Variants in RNF130 observed in about 807,000 individuals in gnomAD.
RNF130 encodes the protein E3 ubiquitin-protein ligase RNF130.
RNF130 carries 21 observed loss-of-function variants against 44.6 expected under a neutral mutation model. The observed-to-expected ratio is 0.47, with a 90% CI of 0.33 to 0.68. The LOEUF is 0.68. Among genes scored for constraint, RNF130 ranks in the 30% least tolerant of loss-of-function variants. The probability of loss-of-function intolerance (pLI) is 0.02; values close to 1 mark genes in which losing one functional copy is unlikely to be tolerated. For missense variants in RNF130, 479 were observed against 560.6 expected (o/e 0.85, Z 1.47); for synonymous variants, 214 against 210.4 (o/e 1.02, Z -0.15).
At chr5:180,002,119 G>A (rs534205894) in intron 3 of RNF130, among the ~76,000 whole-genome samples, 56 of 152,364 alleles carry the variant, frequency 3.7e-4, no homozygotes, top group Non-Finnish European at 6.9e-4. Context: ...ACTGGGATGT[G>A]TGATCACTCT....
At position 179,946,707 on chromosome 5, in the gene RNF130, CCACG is replaced by C. The variant is rs545662505; in HGVS notation, c.1150+20095_1150+20098del. Among the ~76,000 whole-genome samples, 622 of 152,208 alleles carry C rather than the reference CCACG, an allele frequency of 4.1e-3. 4 individuals are homozygous for C. Among genetic ancestry groups the C allele is most frequent in the African/African-American group, 0.014 (591 of 41,514 alleles). ...TAGCTGGGACTACAGGCGCCCGCCA[CCACG>C]CCCGGCTAATTTTTTTGTATTTTTA... On this transcript the variant is annotated intron_variant, in intron 7 of 7. Transcript: ENST00000522208.
chr5:180,025,632 AT>A (rs931254251), intron 2 of RNF130, among the ~76,000 whole-genome samples: 1 of 152,218 alleles, frequency 6.6e-6, no homozygotes, highest in Non-Finnish European at 1.5e-5. Flanking sequence ...ATAATTATGA[AT>A]TTTTTTTAAA....
intron 7 of RNF130, among the ~76,000 whole-genome samples, chr5:179,943,633 G>A (rs1296478199): frequency 6.6e-6 from 1 of 152,174 alleles, no homozygotes; most frequent in Non-Finnish European, 1.5e-5. Flanking sequence ...ACACAGAAAA[G>A]GTGAGGCTCA....
intron 3 of RNF130, among the ~76,000 whole-genome samples, chr5:179,990,893 A>T (rs1763067410): frequency 2.6e-5 from 4 of 152,206 alleles, no homozygotes; most frequent in African/African-American, 9.7e-5. Flanking sequence ...CAAACTAATG[A>T]TTAATGATAT....
chr5:179,996,940 T>G (rs1763212727), intron 3 of RNF130, among the ~76,000 whole-genome samples: 1 of 152,190 alleles, frequency 6.6e-6, no homozygotes, highest in Admixed American at 6.5e-5. Flanking sequence ...AGGAATCAAG[T>G]GCTGGACTTT....
rs185407477 is a variant in RNF130 at position 179,946,709 on chromosome 5, A to G, written c.1150+20097T>C. Among the ~76,000 whole-genome samples, 39 of 150,686 alleles carry G rather than the reference A, an allele frequency of 2.6e-4. No homozygotes were observed. In the East Asian group the frequency reaches 5.8e-3, roughly 22 times the overall value. Reference sequence around the variant, plus strand: ...GCTGGGACTACAGGCGCCCGCCACCACGCCCGGCTAATTTTTTTGTATTTT... The same window carrying G: ...GCTGGGACTACAGGCGCCCGCCACCGCGCCCGGCTAATTTTTTTGTATTTT... On this transcript the variant is annotated intron_variant, in intron 7 of 7. Transcript: ENST00000522208.
chr5:179,979,162 C>T (rs1762776718), intron 4 of RNF130, among the ~76,000 whole-genome samples: 1 of 151,430 alleles, frequency 6.6e-6, no homozygotes, highest in Non-Finnish European at 1.5e-5. Flanking sequence ...GGCTACCAGG[C>T]CAAGAAGGCA....
intron 1 of RNF130, among the ~76,000 whole-genome samples, chr5:180,048,695 G>T (rs937144074): frequency 6.6e-5 from 10 of 152,164 alleles, no homozygotes; most frequent in Non-Finnish European, 1.5e-4. Flanking sequence ...TTGCGGTGAA[G>T]AATTCAGCAC....
Position 179,966,797 on chromosome 5 carries a change from C to G in RNF130, c.1150+9G>C, listed in dbSNP as rs201366649. The G allele has an allele frequency of 2.7e-5, 44 of 1,611,432 alleles. No homozygotes were observed. The East Asian group carries it at 9.4e-4, about 34-fold the overall frequency. The stretch of plus-strand genomic sequence containing the variant: ...CATGCCCTGTGCCTGAGCGGAGGCC[C>G]CCACTTACTTGTTACTGCAATGTTG... On this transcript the variant is annotated intron_variant, in intron 7 of 8. Coordinates refer to ENST00000521389, the MANE Select transcript of RNF130 (RefSeq NM_018434.6).
intron 5 of RNF130, chr5:179,976,689 T>A (rs989098602): frequency 6.7e-6 from 1 of 150,108 alleles, no homozygotes; most frequent in African/African-American, 2.4e-5. Flanking sequence ...TTCTTCAGTT[T>A]GATTTTTTTT....
At chr5:179,960,123 T>C (rs994721994) in intron 8 of RNF130, among the ~76,000 whole-genome samples, 16 of 152,206 alleles carry the variant, frequency 1.1e-4, no homozygotes, top group Non-Finnish European at 2.4e-4. Context: ...TTGGTAAATG[T>C]TGACATTTCA....
intron 1 of RNF130, among the ~76,000 whole-genome samples, chr5:180,066,802 C>T (rs767797824): frequency 4.0e-5 from 6 of 151,542 alleles, no homozygotes; most frequent in African/African-American, 9.7e-5. Flanking sequence ...CATTGCACTC[C>T]GCCTGGGCAA....
At chr5:179,957,396 A>G (rs1381004340) in intron 8 of RNF130, among the ~76,000 whole-genome samples, 1 of 152,220 alleles carries the variant, frequency 6.6e-6, no homozygotes, top group Non-Finnish European at 1.5e-5. Flanking sequence ...TGGGTGAGAG[A>G]GCGAGACCCT....
intron 1 of RNF130, among the ~76,000 whole-genome samples, chr5:180,070,203 G>A (rs1382899024): frequency 6.6e-6 from 1 of 152,174 alleles, no homozygotes; most frequent in East Asian, 1.9e-4. Flanking sequence ...GAGCAGGAAC[G>A]CAAATATTTA....
chr5:180,016,455 G>T (rs977871625), intron 2 of RNF130, among the ~76,000 whole-genome samples: 1 of 152,224 alleles, frequency 6.6e-6, no homozygotes, highest in Non-Finnish European at 1.5e-5. Context: ...GCACATTTGG[G>T]ACATGCCCCA....
chr5:179,980,091 ATTACTT>A, intron 4 of RNF130, 32 bp downstream of exon 4: 3 of 1,581,656 alleles, frequency 1.9e-6, no homozygotes, highest in Non-Finnish European at 2.6e-6. Flanking sequence ...AAACTGCTGG[ATTACTT>A]TTACGGTGCT....
chr5:179,984,288 T>C (rs184162404), intron 3 of RNF130, among the ~76,000 whole-genome samples: 1 of 152,306 alleles, frequency 6.6e-6, no homozygotes, highest in East Asian at 1.9e-4. Context: ...TTTTACTTAC[T>C]GTGCTGGCTA....
At chr5:179,911,996 T>C (rs867331453) in exon 8 of RNF130, 1 of 152,234 alleles carries the variant, frequency 6.6e-6, no homozygotes, top group Non-Finnish European at 1.5e-5. Flanking sequence ...AAAATTTTAA[T>C]TAAAATTCAA....
chr5:180,031,240 A>G (rs1309612912), intron 2 of RNF130, among the ~76,000 whole-genome samples: 1 of 152,264 alleles, frequency 6.6e-6, no homozygotes, highest in East Asian at 1.9e-4. Flanking sequence ...TACTCCTAGC[A>G]CTTTGGGAGG....
Sources: gnomAD v4.1 joint callset for allele counts (sites outside exome capture counted in the v4.1 genomes callset) on GRCh38, gnomAD v4.1.1 for gene constraint, MANE v1.5 for transcripts, NCBI Gene and HGNC (gene_info 2026-07-23, HGNC 2026-07-21) for gene names.